Variants in FSTL5 observed in about 807,000 individuals in gnomAD.
The protein encoded by FSTL5 is follistatin like 5, also known as follistatin-related protein 5.
FSTL5 carries 62 observed loss-of-function variants against 89.1 expected under a neutral mutation model. The observed-to-expected ratio is 0.70, with a 90% CI of 0.57 to 0.86. FSTL5 has a LOEUF of 0.86. Ranked by LOEUF, FSTL5 falls within the 40% of genes least tolerant of loss-of-function variation. The pLI is 0.00. For missense variants in FSTL5, 1,057 were observed against 1,001.6 expected, an observed-to-expected ratio of 1.06 and a Z score of -0.75; for synonymous variants, 383 against 346.2, an observed-to-expected ratio of 1.11 and a Z score of -1.18.
chr4:161,482,569 C>G (rs1167209453), intron 12 of FSTL5, among the ~76,000 whole-genome samples: 1 of 152,144 alleles, frequency 6.6e-6, no homozygotes, highest in Non-Finnish European at 1.5e-5. Context: ...ATCAACCACA[C>G]TTTCATCATC....
chr4:161,892,697 T>A (rs1242513217), intron 4 of FSTL5, among the ~76,000 whole-genome samples: 1 of 152,078 alleles, frequency 6.6e-6, no homozygotes, highest in Non-Finnish European at 1.5e-5. Context: ...CTTTTCCAAA[T>A]GTAAAATATC....
intron 7 of FSTL5, among the ~76,000 whole-genome samples, chr4:161,622,353 A>C (rs1735165223): frequency 6.6e-6 from 1 of 152,114 alleles, no homozygotes; most frequent in South Asian, 2.1e-4. Context: ...AAAACAGAGG[A>C]AGAAGGGCTA....
chr4:161,791,965 C>A (rs1729490883), intron 4 of FSTL5, among the ~76,000 whole-genome samples: 1 of 152,178 alleles, frequency 6.6e-6, no homozygotes, highest in Non-Finnish European at 1.5e-5. Context: ...GGAACCAGGG[C>A]CCTTCCAAGA....
intron 3 of FSTL5, among the ~76,000 whole-genome samples, chr4:161,974,245 T>C (rs1466632525): frequency 6.6e-6 from 1 of 152,090 alleles, no homozygotes; most frequent in Non-Finnish European, 1.5e-5. Context: ...CTTCACAGAA[T>C]TGGAAAAAAC....
rs193107359 is a variant in FSTL5, at chr4:161,634,774, G to A, written c.894+21554C>T. On this transcript the variant is annotated intron_variant, in intron 7 of 15. Transcript: ENST00000306100. Reference sequence around the variant, plus strand: ...TGGGAGGACATTGTTCAAAGGGTACGAAGTTTCTATTATGCAGGATGATTG... The same window carrying A: ...TGGGAGGACATTGTTCAAAGGGTACAAAGTTTCTATTATGCAGGATGATTG... Among the ~76,000 whole-genome samples, 167 of 152,212 alleles carry A rather than the reference G, an allele frequency of 1.1e-3. 1 individual carries two copies. Among genetic ancestry groups the A allele is most frequent in the Non-Finnish European group, 2.0e-3 (137 of 68,002 alleles).
intron 2 of FSTL5, 124 bp downstream of exon 2, chr4:162,111,147 A>T: frequency 1.3e-6 from 1 of 761,896 alleles, no homozygotes; most frequent in Non-Finnish European, 1.9e-6. Flanking sequence ...TTTTAAAAAT[A>T]ATATGGAAAC....
intron 15 of FSTL5, among the ~76,000 whole-genome samples, chr4:161,447,812 G>A (rs1384712922): frequency 6.6e-6 from 1 of 152,114 alleles, no homozygotes; most frequent in Non-Finnish European, 1.5e-5. Context: ...ACCCATGTAA[G>A]AATGCTGGGT....
intron 15 of FSTL5, among the ~76,000 whole-genome samples, chr4:161,432,763 C>T (rs1732423868): frequency 6.6e-6 from 1 of 151,622 alleles, no homozygotes; most frequent in Admixed American, 6.6e-5. Flanking sequence ...GAACTGATAG[C>T]ACAGAAATTC....
intron 4 of FSTL5, among the ~76,000 whole-genome samples, chr4:161,866,508 G>GTGTGTGTGT (rs1560889424): frequency 2.2e-4 from 32 of 143,012 alleles, no homozygotes; most frequent in South Asian, 4.5e-4. Flanking sequence ...GTGTGTGTGT[G>GTGTGTGTGT]GTTTCAATCT....
intron 4 of FSTL5, among the ~76,000 whole-genome samples, chr4:161,864,107 C>T (rs113199909): frequency 6.6e-6 from 1 of 152,130 alleles, no homozygotes; most frequent in Admixed American, 6.5e-5. Flanking sequence ...TAAACTTATC[C>T]TTTAGAAACA....
intron 3 of FSTL5, among the ~76,000 whole-genome samples, chr4:161,957,881 G>A (rs1022698866): frequency 4.6e-5 from 7 of 152,004 alleles, no homozygotes; most frequent in African/African-American, 1.7e-4. Context: ...GGGGATGGTT[G>A]AGTTTCATGG....
chr4:161,498,064 A>G (rs1730150723), intron 12 of FSTL5, among the ~76,000 whole-genome samples: 1 of 151,576 alleles, frequency 6.6e-6, no homozygotes, highest in Non-Finnish European at 1.5e-5. Context: ...CTACATCTCT[A>G]TGTCTCTATG....
At chr4:161,950,273 A>C (rs1391374536) in intron 3 of FSTL5, among the ~76,000 whole-genome samples, 1 of 152,102 alleles carries the variant, frequency 6.6e-6, no homozygotes, top group Non-Finnish European at 1.5e-5. Flanking sequence ...TTAACATGGG[A>C]GACTTAACTC....
chr4:161,825,579 C>T (rs1345313371), intron 4 of FSTL5, among the ~76,000 whole-genome samples: 1 of 151,946 alleles, frequency 6.6e-6, no homozygotes, highest in Non-Finnish European at 1.5e-5. Flanking sequence ...TGTTATTTGT[C>T]TGTTCAGAAT....
intron 3 of FSTL5, among the ~76,000 whole-genome samples, chr4:161,935,989 C>A (rs1481498912): frequency 2.0e-5 from 3 of 152,170 alleles, no homozygotes; most frequent in African/African-American, 7.2e-5. Flanking sequence ...ACGAGACCAG[C>A]CTGGCCAACA....
chr4:161,834,144 C>T (rs970951191), intron 4 of FSTL5, among the ~76,000 whole-genome samples: 6 of 152,012 alleles, frequency 3.9e-5, no homozygotes, highest in African/African-American at 1.4e-4. Context: ...AAGGCTGGTT[C>T]AATATATGCA....
intron 3 of FSTL5, among the ~76,000 whole-genome samples, chr4:162,012,155 A>C (rs1222844366): frequency 1.3e-5 from 2 of 152,218 alleles, no homozygotes; most frequent in African/African-American, 2.4e-5. Flanking sequence ...TTATATCTGA[A>C]AATGAAACAC....
intron 2 of FSTL5, among the ~76,000 whole-genome samples, chr4:162,089,658 AAGAAAG>A (rs1730467462): frequency 6.7e-6 from 1 of 148,546 alleles, no homozygotes. Context: ...AAAGAAAAAA[AAGAAAG>A]AAAGAAATTG....
intron 4 of FSTL5, among the ~76,000 whole-genome samples, chr4:161,914,658 T>C (rs28567002): frequency 0.18 from 27,956 of 152,116 alleles, 3,149 homozygotes; most frequent in Non-Finnish European, 0.23. Context: ...AATTGGAAAA[T>C]TGATCACCAC....
Sources: allele counts gnomAD v4.1 joint callset (sites outside exome capture counted in the v4.1 genomes callset), GRCh38; gene constraint gnomAD v4.1.1; transcripts MANE v1.5; gene names NCBI Gene and HGNC (gene_info 2026-07-23, HGNC 2026-07-21).